Variants in MEOX2 observed in about 807,000 individuals in gnomAD.
The protein encoded by MEOX2 is homeobox protein MOX-2.
In MEOX2, 11 loss-of-function variants were observed where a neutral mutation model predicts 27.0. That is an observed-to-expected ratio of 0.41 (90% CI 0.26 to 0.68). MEOX2 has a LOEUF of 0.68. Among genes scored for constraint, MEOX2 ranks in the 30% least tolerant of loss-of-function variants. The pLI is 0.33. For synonymous variants in MEOX2, 189 were observed against 155.4 expected, an observed-to-expected ratio of 1.22 and a Z score of -1.61; for missense variants, 436 against 385.4, an observed-to-expected ratio of 1.13 and a Z score of -1.10.
At chr7:15,684,196 A>C (rs1782339018) in intron 1 of MEOX2, among the ~76,000 whole-genome samples, 1 of 152,144 alleles carries the variant, frequency 6.6e-6, no homozygotes, top group African/African-American at 2.4e-5. Context: ...CATTGCAAGA[A>C]ATAAAATGAA....
chr7:15,656,643 A>AT (rs1005441632), intron 1 of MEOX2, among the ~76,000 whole-genome samples: 5 of 151,750 alleles, frequency 3.3e-5, no homozygotes, highest in Non-Finnish European at 7.4e-5. Flanking sequence ...TTATAAAACC[A>AT]TTATCTTAAA....
At chr7:15,683,364 C>G (rs1050893744) in intron 1 of MEOX2, among the ~76,000 whole-genome samples, 3 of 151,980 alleles carry the variant, frequency 2.0e-5, no homozygotes, top group African/African-American at 7.2e-5. Context: ...TACAAATGAT[C>G]TCACTATATA....
chr7:15,630,844 T>A (rs1465288632), intron 1 of MEOX2, among the ~76,000 whole-genome samples: 1 of 151,994 alleles, frequency 6.6e-6, no homozygotes, highest in African/African-American at 2.4e-5. Context: ...TTATGGGCAC[T>A]TATCCAACTT....
At chr7:15,624,625 A>G (rs1177677830) in intron 2 of MEOX2, among the ~76,000 whole-genome samples, 2 of 152,110 alleles carry the variant, frequency 1.3e-5, no homozygotes, top group Non-Finnish European at 2.9e-5. Context: ...AGGCCCAACC[A>G]TCTCTTTCTT....
chr7:15,640,048 G>A (rs1442362590), intron 1 of MEOX2, among the ~76,000 whole-genome samples: 1 of 152,004 alleles, frequency 6.6e-6, no homozygotes, highest in Non-Finnish European at 1.5e-5. Flanking sequence ...TAGGAATTGT[G>A]TTGAATCTGT....
chr7:15,667,360 C>G (rs1249641308), intron 1 of MEOX2, among the ~76,000 whole-genome samples: 1 of 150,628 alleles, frequency 6.6e-6, no homozygotes, highest in Non-Finnish European at 1.5e-5. Context: ...CACCCTTTTC[C>G]TGGAAACTCC....
chr7:15,643,408 G>A (rs999604288), intron 1 of MEOX2, among the ~76,000 whole-genome samples: 7 of 152,162 alleles, frequency 4.6e-5, no homozygotes, highest in Admixed American at 2.6e-4. Context: ...CTTGGTCAAG[G>A]TCTAGGGGCA....
chr7:15,677,568 T>A (rs909662085), intron 1 of MEOX2: 1 of 152,208 alleles, frequency 6.6e-6, no homozygotes, highest in Non-Finnish European at 1.5e-5. Flanking sequence ...CTGGATGATA[T>A]TCGACATGAG....
At chr7:15,635,988 A>G (rs913123690) in intron 1 of MEOX2, among the ~76,000 whole-genome samples, 1 of 152,004 alleles carries the variant, frequency 6.6e-6, no homozygotes, top group Non-Finnish European at 1.5e-5. Flanking sequence ...ACGGAGTCAG[A>G]TAGTGTGCTT....
chr7:15,621,187 G>C (rs910197195), intron 2 of MEOX2, among the ~76,000 whole-genome samples: 5 of 152,316 alleles, frequency 3.3e-5, no homozygotes, highest in Non-Finnish European at 5.9e-5. Flanking sequence ...TGTTGATCTT[G>C]AAGGTTATAT....
intron 1 of MEOX2, among the ~76,000 whole-genome samples, chr7:15,672,679 T>A (rs1184592195): frequency 1.3e-5 from 2 of 151,974 alleles, no homozygotes; most frequent in African/African-American, 2.4e-5. Context: ...GATCATGAGG[T>A]CAGGAGATCA....
At chr7:15,656,161 C>G (rs1781816985) in intron 1 of MEOX2, among the ~76,000 whole-genome samples, 1 of 151,696 alleles carries the variant, frequency 6.6e-6, no homozygotes, top group Non-Finnish European at 1.5e-5. Context: ...AATATACCCA[C>G]TCCTTCCTTC....
chr7:15,686,491 GA>G lies in MEOX2; in HGVS notation c.-90del. ...GTCACTTTTTCACTGGAAACCGTGT[GA>G]TTTTTTTTTTAACCTCCCAAAGCAA... On this transcript the variant is annotated 5_prime_UTR_variant, in exon 1 of 3. Coordinates refer to ENST00000262041, the MANE Select transcript of MEOX2 (RefSeq NM_005924.5). 8.2e-7 allele frequency: 1 copy of G among 1,217,970 alleles called. No individual in the cohort carries two copies. Among genetic ancestry groups the G allele is most frequent in the South Asian group, 1.6e-5 (1 of 63,592 alleles). 75.4% of individuals were successfully genotyped at this position (1,217,970 alleles called of 1,614,324 possible).
At chr7:15,676,581 T>G (rs1403132764) in intron 1 of MEOX2, among the ~76,000 whole-genome samples, 1 of 152,084 alleles carries the variant, frequency 6.6e-6, no homozygotes, top group Non-Finnish European at 1.5e-5. Context: ...TTTAAAAAGT[T>G]AAGTTCTGGC....
rs1583730473 is a variant in MEOX2 at position 15,611,521 on chromosome 7, A to G, written c.*866T>C. The G allele has an allele frequency of 6.6e-6, 1 of 152,642 alleles. No individual in the cohort carries two copies. Among genetic ancestry groups the G allele is most frequent in the African/African-American group, 2.4e-5 (1 of 41,458 alleles). 9.5% of individuals were successfully genotyped at this position (152,642 alleles called of 1,614,324 possible). On this transcript the variant is annotated 3_prime_UTR_variant, in exon 3 of 3. Transcript: ENST00000262041. ...TTTCTGCAAGGTAACTGATTTGCCT[A>G]TGATCCTAATTGTTTTAAGCTATAA...
At chr7:15,679,996 T>C (rs559405958) in intron 1 of MEOX2, 7 of 152,022 alleles carry the variant, frequency 4.6e-5, no homozygotes, top group South Asian at 4.1e-4. Flanking sequence ...AGAAATATTA[T>C]ATTTCTGTAC....
At chr7:15,675,776 G>C (rs1286086739) in intron 1 of MEOX2, among the ~76,000 whole-genome samples, 2 of 152,276 alleles carry the variant, frequency 1.3e-5, no homozygotes, top group East Asian at 3.9e-4. Flanking sequence ...CGCACTGGTT[G>C]ATGCCGTTGG....
chr7:15,685,849 C>T (rs1165076371), intron 1 of MEOX2, 37 bp downstream of exon 1: 8 of 1,544,672 alleles, frequency 5.2e-6, no homozygotes, highest in Admixed American at 2.0e-5. Flanking sequence ...TTTTCCAGCC[C>T]GGCGCGCACT....
intron 1 of MEOX2, among the ~76,000 whole-genome samples, chr7:15,629,964 C>T (rs1454640642): frequency 6.6e-6 from 1 of 152,002 alleles, no homozygotes. Context: ...TTTTCTTCAA[C>T]CTCCCATATC....
Sources: gnomAD v4.1 joint callset for allele counts (sites outside exome capture counted in the v4.1 genomes callset) on GRCh38, gnomAD v4.1.1 for gene constraint, MANE v1.5 for transcripts, NCBI Gene and HGNC (gene_info 2026-07-23, HGNC 2026-07-21) for gene names.